The following RAD17 variants were observed in gnomAD, a reference collection of about 807,000 sequenced individuals.
The protein encoded by RAD17 is RAD17 checkpoint clamp loader component, also known as cell cycle checkpoint protein RAD17.
RAD17 carries 31 observed loss-of-function variants against 81.5 expected under a neutral mutation model. That is an observed-to-expected ratio of 0.38 (90% CI 0.29 to 0.51). The LOEUF (loss-of-function observed/expected upper bound fraction) is 0.51, where lower values mean the gene tolerates loss of function less well. RAD17 is among the 20% of genes least tolerant of loss of function. RAD17 has a pLI of 0.88. For synonymous variants in RAD17, 261 were observed against 266.2 expected (o/e 0.98, Z 0.19); for missense variants, 681 against 781.2 (o/e 0.87, Z 1.53).
At chr5:69,377,486 C>CAT (rs371226581) in intron 6 of RAD17, among the ~76,000 whole-genome samples, 1 of 67,146 alleles carries the variant, frequency 1.5e-5, no homozygotes, top group African/African-American at 6.1e-5. Flanking sequence ...CACACACACA[C>CAT]ATATATATAC....
chr5:69,405,974 A>G (rs28817404), intron 17 of RAD17, among the ~76,000 whole-genome samples: 128,870 of 151,256 alleles, frequency 0.85, 56,202 homozygotes, highest in Non-Finnish European at 0.95. Flanking sequence ...TCCAGGAGGT[A>G]GAGGTTACTG....
chr5:69,371,631 C>T, intron 3 of RAD17, 74 bp downstream of exon 3: 1 of 752,058 alleles, frequency 1.3e-6, no homozygotes, highest in Non-Finnish European at 1.9e-6. Flanking sequence ...TTCTTAATAA[C>T]TTATTACTGC....
chr5:69,409,066 C>G (rs555560181), intron 17 of RAD17, among the ~76,000 whole-genome samples: 1 of 152,212 alleles, frequency 6.6e-6, no homozygotes, highest in African/African-American at 2.4e-5. Context: ...CTTCCCCACA[C>G]TATGTTTCAA....
At chr5:69,395,920 A>G (rs1764855048) in intron 15 of RAD17, among the ~76,000 whole-genome samples, 1 of 152,198 alleles carries the variant, frequency 6.6e-6, no homozygotes, top group Admixed American at 6.5e-5. Context: ...TTGAAACTAA[A>G]ATATAACTAG....
chr5:69,379,815 T>C (rs1379738958), intron 6 of RAD17, among the ~76,000 whole-genome samples: 1 of 152,126 alleles, frequency 6.6e-6, no homozygotes, highest in Non-Finnish European at 1.5e-5. Context: ...CTGTCATCTC[T>C]TATGACAACA....
upstream of RAD17, chr5:69,369,710 G>C (rs1171434198): frequency 2.6e-6 from 4 of 1,551,316 alleles, no homozygotes; most frequent in Non-Finnish European, 3.5e-6. Flanking sequence ...GCATAACTCG[G>C]GTCGGTACTT....
At chr5:69,392,190 C>T (rs759747483) in intron 13 of RAD17, among the ~76,000 whole-genome samples, 177 bp downstream of exon 13, 27 of 152,040 alleles carry the variant, frequency 1.8e-4, no homozygotes, top group Admixed American at 3.3e-4. Flanking sequence ...ATTTTCTGAC[C>T]GTAAGCAGGA....
At chr5:69,406,476 T>C (rs1447327628) in intron 17 of RAD17, among the ~76,000 whole-genome samples, 2 of 151,942 alleles carry the variant, frequency 1.3e-5, no homozygotes, top group Non-Finnish European at 2.9e-5. Flanking sequence ...GTGACTATAA[T>C]TAATAGTATT....
chr5:69,387,273 T>A (rs1330271077), intron 11 of RAD17, among the ~76,000 whole-genome samples: 1 of 152,014 alleles, frequency 6.6e-6, no homozygotes, highest in East Asian at 1.9e-4. Flanking sequence ...ATCAAGATGA[T>A]GTTAAAAAAA....
intron 17 of RAD17, among the ~76,000 whole-genome samples, chr5:69,401,712 G>A (rs1023989228): frequency 1.3e-5 from 2 of 151,840 alleles, no homozygotes; most frequent in Admixed American, 6.6e-5. Context: ...TTTTGGCCGG[G>A]TGCAGTGGCT....
Position 69,377,549 on chromosome 5 carries a change from GCATATATA to G in RAD17, c.351+2839_351+2846del, listed in dbSNP as rs1561239412. 1.3e-3 allele frequency among the ~76,000 whole-genome samples: 16 copies of G among 12,492 alleles called. 5 individuals carry two copies. The highest frequency in any genetic ancestry group is 9.7e-3 in the East Asian group (3 of 308). The allele number at this position is 12,492 out of a possible 152,430, so 8.2% of individuals were successfully genotyped here. A position where few individuals can be genotyped will look rare whatever the true frequency, so the allele number is the denominator to read the frequency against. On this transcript the variant is annotated intron_variant, in intron 6 of 18. Coordinates refer to ENST00000354868, the MANE Select transcript of RAD17 (RefSeq NM_133338.3). ...TATGTGTATATATACGTATATATAT[GCATATATA>G]TGTATATATATATGCATATATATGT...
rs116547278 is a variant in RAD17, at chr5:69,406,969, T to C, written c.1694-3524T>C. ...CACAGTAAATATATACAATTTTGTT[T>C]GTTAATTAAAATAACTCTGTTTGTA... On this transcript the variant is annotated intron_variant, in intron 17 of 18. Coordinates refer to ENST00000354868, the MANE Select transcript of RAD17 (RefSeq NM_133338.3). Among the ~76,000 whole-genome samples the C allele has an allele frequency of 1.6e-3, 244 of 152,064 alleles. 1 individual carries two copies. The highest frequency in any genetic ancestry group is 3.1e-3 in the Non-Finnish European group (212 of 67,994).
chr5:69,373,891 T>C lies in RAD17; in HGVS notation c.71T>C (p.Ile24Thr). The change falls in exon 5 of 19, where the codon ATT becomes ACT. Residue 24 changes from isoleucine (I) to threonine (T), a missense_variant. Physicochemically the swap from Ile to Thr is moderately conservative, Grantham distance 89 (BLOSUM62 -1). Transcript: ENST00000354868. ...DFLECSGVST[I>T]TATSLGVNNS... ...CTAGAGTGTAGTGGCGTCTCTACTA[T>C]TACTGCCACATCATTAGGTGTGAAT... 6.2e-7 allele frequency: 1 copy of C among 1,609,284 alleles called. No individual in the cohort carries two copies. Among genetic ancestry groups the C allele is most frequent in the Non-Finnish European group, 8.5e-7 (1 of 1,175,862 alleles).
At chr5:69,374,875 C>T (rs560234820) in intron 6 of RAD17, among the ~76,000 whole-genome samples, 164 bp downstream of exon 6, 2 of 152,186 alleles carry the variant, frequency 1.3e-5, no homozygotes, top group Admixed American at 6.5e-5. Flanking sequence ...CCTGTAATCC[C>T]AGCACTTTGG....
intron 15 of RAD17, 107 bp downstream of exon 15, chr5:69,393,607 T>G: frequency 9.4e-7 from 1 of 1,059,626 alleles, no homozygotes; most frequent in Non-Finnish European, 1.4e-6. Context: ...TATGTGACTT[T>G]TCTTCATAAC....
intron 13 of RAD17, among the ~76,000 whole-genome samples, chr5:69,392,582 G>C (rs546472672): frequency 6.6e-6 from 1 of 152,170 alleles, no homozygotes; most frequent in Admixed American, 6.5e-5. Flanking sequence ...CTAAAGGAAA[G>C]AAATTAGGAT....
chr5:69,413,829 T>TCAA (rs1194788415), intron 18 of RAD17, among the ~76,000 whole-genome samples: 5 of 152,228 alleles, frequency 3.3e-5, no homozygotes, highest in African/African-American at 4.8e-5. Context: ...GCCATCGTGT[T>TCAA]CAGCTCCTTT....
intron 4 of RAD17, among the ~76,000 whole-genome samples, chr5:69,372,704 C>T (rs570207278): frequency 1.4e-4 from 21 of 152,034 alleles, no homozygotes; most frequent in African/African-American, 4.6e-4. Context: ...CTTGACCTCC[C>T]GCGCTCAAGT....
chr5:69,411,120 T>G (rs779996478), intron 18 of RAD17, among the ~76,000 whole-genome samples: 50 of 151,632 alleles, frequency 3.3e-4, no homozygotes, highest in Non-Finnish European at 6.6e-4. Context: ...GTTTAAAGAT[T>G]TTAAAAATGG....
Sources: gnomAD v4.1 joint callset for allele counts (sites outside exome capture counted in the v4.1 genomes callset) on GRCh38, gnomAD v4.1.1 for gene constraint, MANE v1.5 for transcripts, NCBI Gene and HGNC (gene_info 2026-07-23, HGNC 2026-07-21) for gene names.